The following GAS7 variants were observed in gnomAD, a reference collection of about 807,000 sequenced individuals.
The protein encoded by GAS7 is growth arrest specific 7.
GAS7 carries 28 observed loss-of-function variants against 71.1 expected under a neutral mutation model. That is an observed-to-expected ratio of 0.39 (90% CI 0.29 to 0.54). GAS7 has a LOEUF of 0.54. GAS7 is among the 20% of genes least tolerant of loss of function. The probability of loss-of-function intolerance (pLI) is 0.62; values close to 1 mark genes in which losing one functional copy is unlikely to be tolerated. For missense variants in GAS7, 436 were observed against 627.8 expected, an observed-to-expected ratio of 0.69 and a Z score of 3.27; for synonymous variants, 258 against 245.8, an observed-to-expected ratio of 1.05 and a Z score of -0.46.
chr17:9,995,344 T>C (rs12949745), intron 2 of GAS7, among the ~76,000 whole-genome samples: 2,324 of 152,158 alleles, frequency 0.015, 31 homozygotes, highest in Non-Finnish European at 0.023. Flanking sequence ...TTTTTAAAGA[T>C]ACATGTGTAT....
chr17:10,131,552 G>A (rs1433780692), intron 1 of GAS7, among the ~76,000 whole-genome samples: 1 of 152,214 alleles, frequency 6.6e-6, no homozygotes, highest in Non-Finnish European at 1.5e-5. Context: ...AACCCGGGAG[G>A]CGGAGGTTGC....
chr17:10,112,688 G>A (rs554310402), intron 1 of GAS7, among the ~76,000 whole-genome samples: 1 of 151,674 alleles, frequency 6.6e-6, no homozygotes, highest in East Asian at 1.9e-4. Context: ...GTGGTGAGCT[G>A]AGATCATACC....
At position 10,005,284 on chromosome 17, in the gene GAS7, CAT is replaced by C. The variant is rs1005467796; in HGVS notation, c.304+14491_304+14492del. On this transcript the variant is annotated intron_variant, in intron 2 of 13. Transcript: ENST00000432992. ...ACATACATGTATGTATATGTATATA[CAT>C]GCATACATGTATATACACATATATA... is the stretch of plus-strand genomic sequence containing the variant. Among the ~76,000 whole-genome samples, 97 of 151,316 alleles carry C rather than the reference CAT, an allele frequency of 6.4e-4. 1 individual carries two copies. The highest frequency in any genetic ancestry group is 2.3e-3 in the African/African-American group (94 of 40,996).
Position 9,981,527 on chromosome 17 carries a change from C to G in GAS7, c.385+277G>C, listed in dbSNP as rs574687488. On this transcript the variant is annotated intron_variant, in intron 3 of 13. Coordinates refer to ENST00000432992, the MANE Select transcript of GAS7 (RefSeq NM_201433.2). This position sits in a 1 kb window ranked among gnomAD's most constrained non-coding sequence, Gnocchi z 4.4. ...TTCAGGTCTTCCTGCCCCTGACAGACAGGAAAGAGCTCTGACACCTCACCT... is the reference window on the plus strand; with the variant it reads ...TTCAGGTCTTCCTGCCCCTGACAGAGAGGAAAGAGCTCTGACACCTCACCT... Among the ~76,000 whole-genome samples, 1 of 152,270 alleles carries G rather than the reference C, an allele frequency of 6.6e-6. No individual in the cohort carries two copies. Among genetic ancestry groups the G allele is most frequent in the East Asian group, 1.9e-4 (1 of 5,160 alleles).
At chr17:10,030,744 A>G (rs1399855746) in intron 1 of GAS7, among the ~76,000 whole-genome samples, 1 of 152,186 alleles carries the variant, frequency 6.6e-6, no homozygotes, top group African/African-American at 2.4e-5. Flanking sequence ...GGCACTATCC[A>G]AGTGTCCTCA....
chr17:10,189,754 C>T (rs1303274818), intron 1 of GAS7, among the ~76,000 whole-genome samples: 4 of 152,066 alleles, frequency 2.6e-5, no homozygotes, highest in Non-Finnish European at 5.9e-5. Flanking sequence ...GCCTGGCCAA[C>T]ATGGCAAAAC....
At chr17:9,931,662 C>T (rs73974340) in intron 9 of GAS7, among the ~76,000 whole-genome samples, 2,754 of 152,328 alleles carry the variant, frequency 0.018, 74 homozygotes, top group African/African-American at 0.063. Context: ...CACGGAGTTC[C>T]CTTCTCTGCC....
At position 10,131,536 on chromosome 17, in the gene GAS7, C is replaced by T. The variant is rs761527280; in HGVS notation, c.183+66672G>A. Among the ~76,000 whole-genome samples, 8 of 152,324 alleles carry T rather than the reference C, an allele frequency of 5.3e-5. 1 individual carries two copies. The highest frequency in any genetic ancestry group is 2.1e-4 in the South Asian group (1 of 4,830). On this transcript the variant is annotated intron_variant, in intron 1 of 13. Transcript: ENST00000432992. Reference sequence around the variant, plus strand: ...ACTTGGGAGGCTGAGGCACAAGAATCGCTTGAACCCGGGAGGCGGAGGTTG... The same window carrying T: ...ACTTGGGAGGCTGAGGCACAAGAATTGCTTGAACCCGGGAGGCGGAGGTTG...
rs2073725104 is a variant in GAS7, at chr17:10,103,351, A to T, written c.184-83454T>A. ...GGTGATAGGTTAAGACCCTGTCTCAAACAAACCAACCAACCAACCCCCATG... is the reference window on the plus strand; with the variant it reads ...GGTGATAGGTTAAGACCCTGTCTCATACAAACCAACCAACCAACCCCCATG... On this transcript the variant is annotated intron_variant, in intron 1 of 13. Coordinates refer to ENST00000432992, the MANE Select transcript of GAS7 (RefSeq NM_201433.2). This position sits in a 1 kb window ranked among gnomAD's most constrained non-coding sequence, Gnocchi z 5.5. Among the ~76,000 whole-genome samples the T allele has an allele frequency of 1.3e-5, 2 of 152,058 alleles. No homozygotes were observed. Among genetic ancestry groups the T allele is most frequent in the South Asian group, 4.1e-4 (2 of 4,824 alleles).
intron 1 of GAS7, among the ~76,000 whole-genome samples, chr17:10,033,628 C>T (rs796444540): frequency 2.0e-5 from 3 of 152,094 alleles, no homozygotes; most frequent in African/African-American, 4.8e-5. Flanking sequence ...GCAGATGCAC[C>T]GGGGGGCAAA....
intron 9 of GAS7, among the ~76,000 whole-genome samples, chr17:9,932,768 T>A (rs927238270): frequency 8.5e-5 from 13 of 152,142 alleles, no homozygotes; most frequent in African/African-American, 3.1e-4. Flanking sequence ...AAAATATTTA[T>A]TAAGCATCTA....
At chr17:10,099,762 G>A (rs529909180) in intron 1 of GAS7, among the ~76,000 whole-genome samples, 6 of 152,030 alleles carry the variant, frequency 3.9e-5, no homozygotes, top group Non-Finnish European at 8.8e-5. Context: ...CAGTCCTTAG[G>A]TGCCCTCTGC....
chr17:10,118,443 G>A (rs990061992), intron 1 of GAS7, among the ~76,000 whole-genome samples: 2 of 152,130 alleles, frequency 1.3e-5, no homozygotes, highest in Admixed American at 6.5e-5. Flanking sequence ...GGGCGCAGTG[G>A]CTCACGCCTG....
chr17:10,077,548 T>C (rs1031684350), intron 1 of GAS7, among the ~76,000 whole-genome samples: 1 of 152,062 alleles, frequency 6.6e-6, no homozygotes, highest in Non-Finnish European at 1.5e-5. Flanking sequence ...AGGTAAAGAC[T>C]TAAAAAGGAG....
At chr17:10,098,434 C>T (rs928461831) in intron 1 of GAS7, among the ~76,000 whole-genome samples, 17 of 152,230 alleles carry the variant, frequency 1.1e-4, no homozygotes, top group African/African-American at 3.9e-4. Flanking sequence ...CAAAATGAAC[C>T]TAACGAGGAT....
At chr17:10,035,975 C>T (rs1190222461) in intron 1 of GAS7, among the ~76,000 whole-genome samples, 3 of 152,112 alleles carry the variant, frequency 2.0e-5, no homozygotes, top group South Asian at 4.1e-4. Flanking sequence ...AGAACTGGGC[C>T]GTGGGGTAAA....
At chr17:10,188,322 G>T (rs1273453230) in intron 1 of GAS7, among the ~76,000 whole-genome samples, 1 of 152,192 alleles carries the variant, frequency 6.6e-6, no homozygotes, top group Non-Finnish European at 1.5e-5. Flanking sequence ...AGGTAAACCT[G>T]ATTTTAACTA....
intron 1 of GAS7, among the ~76,000 whole-genome samples, chr17:10,049,059 T>G (rs1198120412): frequency 1.3e-5 from 2 of 152,196 alleles, no homozygotes; most frequent in Non-Finnish European, 2.9e-5. Context: ...CACGCATAAC[T>G]GATGTTCCCT....
chr17:10,032,106 C>T (rs910171832), intron 1 of GAS7, among the ~76,000 whole-genome samples: 47 of 140,570 alleles, frequency 3.3e-4, no homozygotes, highest in Middle Eastern at 3.7e-3. Context: ...GGTTGGGGAA[C>T]CTCAGAAAAA....
Sources: allele counts gnomAD v4.1 joint callset (sites outside exome capture counted in the v4.1 genomes callset), GRCh38; gene constraint gnomAD v4.1.1; non-coding constraint Gnocchi (gnomAD v3.1); transcripts MANE v1.5; gene names NCBI Gene and HGNC (gene_info 2026-07-23, HGNC 2026-07-21).